The following NCK2 variants were observed in gnomAD, a reference collection of about 807,000 sequenced individuals.
The protein encoded by NCK2 is NCK adaptor protein 2.
A neutral mutation model predicts 33.9 loss-of-function variants in NCK2; 16 were observed. That is an observed-to-expected ratio of 0.47 (90% CI 0.32 to 0.72). NCK2 has a LOEUF of 0.72. Ranked by LOEUF, NCK2 falls within the 30% of genes least tolerant of loss-of-function variation. The pLI is 0.03. For missense variants in NCK2, 418 were observed against 537.3 expected (o/e 0.78, Z 2.19); for synonymous variants, 273 against 239.9 (o/e 1.14, Z -1.27).
chr2:105,755,137 AG>A (rs1689564465), intron 1 of NCK2, among the ~76,000 whole-genome samples: 1 of 152,160 alleles, frequency 6.6e-6, no homozygotes, highest in Non-Finnish European at 1.5e-5. Context: ...GCTTGGATTT[AG>A]AAGGTTCTCT....
chr2:105,806,378 CA>C (rs1675041480), intron 1 of NCK2, among the ~76,000 whole-genome samples: 2 of 151,962 alleles, frequency 1.3e-5, no homozygotes, highest in Non-Finnish European at 2.9e-5. Context: ...GCTGGGACTA[CA>C]GGCACCCACC....
At chr2:105,835,409 G>GTGTATATATATATATCTA (rs56250020) in intron 2 of NCK2, among the ~76,000 whole-genome samples, 1 of 59,328 alleles carries the variant, frequency 1.7e-5, no homozygotes, top group African/African-American at 6.1e-5. Flanking sequence ...ATATATACGT[G>GTGTATATATATATATCTA]TATATATATA....
chr2:105,871,961 GA>G (rs1320490264), intron 3 of NCK2, among the ~76,000 whole-genome samples: 2 of 152,180 alleles, frequency 1.3e-5, no homozygotes, highest in Non-Finnish European at 2.9e-5. Context: ...TCGTGCAAGG[GA>G]AATTGGTGCC....
chr2:105,884,410 A>T (rs1315984140), intron 4 of NCK2, among the ~76,000 whole-genome samples: 1 of 152,158 alleles, frequency 6.6e-6, no homozygotes, highest in African/African-American at 2.4e-5. Context: ...TGAGGGGTTC[A>T]GCCTCCCTGC....
chr2:105,827,107 C>T (rs1362610875), intron 2 of NCK2, among the ~76,000 whole-genome samples: 1 of 151,994 alleles, frequency 6.6e-6, no homozygotes, highest in Non-Finnish European at 1.5e-5. Context: ...TCACACCATT[C>T]TCCTGCCTCA....
At chr2:105,830,000 G>T (rs1176811501) in intron 2 of NCK2, among the ~76,000 whole-genome samples, 1 of 151,970 alleles carries the variant, frequency 6.6e-6, no homozygotes, top group Admixed American at 6.6e-5. Flanking sequence ...CCTATTAATA[G>T]GTAAAGAGTG....
intron 1 of NCK2, among the ~76,000 whole-genome samples, chr2:105,779,306 C>CAAAA (rs780590996): frequency 1.7e-4 from 20 of 119,532 alleles, no homozygotes; most frequent in African/African-American, 6.3e-4. Flanking sequence ...GACTCCGTCT[C>CAAAA]AAAAAAAAAA....
At chr2:105,841,105 C>T (rs1264298230) in intron 2 of NCK2, among the ~76,000 whole-genome samples, 2 of 152,176 alleles carry the variant, frequency 1.3e-5, no homozygotes, top group African/African-American at 4.8e-5. Context: ...TTCCACCTAC[C>T]CAGAGATGAC....
chr2:105,805,739 C>T (rs1484393576), intron 1 of NCK2, among the ~76,000 whole-genome samples: 1 of 152,120 alleles, frequency 6.6e-6, no homozygotes, highest in African/African-American at 2.4e-5. Flanking sequence ...GCATGATGTC[C>T]TCCCAGTTCA....
At chr2:105,858,061 T>G (rs1431897245) in intron 3 of NCK2, among the ~76,000 whole-genome samples, 5 of 151,698 alleles carry the variant, frequency 3.3e-5, no homozygotes, top group Admixed American at 6.6e-5. Flanking sequence ...TTTTTTTGTT[T>G]TTTTTTTTGC....
chr2:105,826,911 A>G (rs1251907056), intron 2 of NCK2, among the ~76,000 whole-genome samples: 2 of 152,176 alleles, frequency 1.3e-5, no homozygotes, highest in Non-Finnish European at 1.5e-5. Context: ...TGTTATATTA[A>G]TATCAGATAA....
intron 1 of NCK2, among the ~76,000 whole-genome samples, chr2:105,773,461 A>G (rs1358983557): frequency 1.3e-5 from 2 of 151,978 alleles, no homozygotes; most frequent in Admixed American, 6.6e-5. Context: ...GCTCAGGGCC[A>G]TCACCACTGC....
chr2:105,745,036 GGGA>G lies in NCK2; in HGVS notation c.-301_-299del. 1 of 145,696 alleles carries G rather than the reference GGGA, an allele frequency of 6.9e-6. No homozygotes were observed. Among genetic ancestry groups the G allele is most frequent in the Non-Finnish European group, 1.5e-5 (1 of 65,378 alleles). 9.0% of individuals were successfully genotyped at this position (145,696 alleles called of 1,614,324 possible). A position where few individuals can be genotyped will look rare whatever the true frequency, so the allele number is the denominator to read the frequency against. Reference sequence around the variant, plus strand: ...CAGCGTCCGCCCGGCGGCGGGAGGAGGGAGCGGCGCAGACAAAGAGCGGCGCCT... The same window carrying G: ...CAGCGTCCGCCCGGCGGCGGGAGGAGGCGGCGCAGACAAAGAGCGGCGCCT... On this transcript the variant is annotated 5_prime_UTR_variant, in exon 1 of 5. Transcript: ENST00000233154.
rs56217624 is a variant in NCK2, at chr2:105,859,245, A to G, written c.226+3956A>G. ...ACCAGCTGGAGCCTTGCAAAGCCCC[A>G]AAGGTTAATTCTCTTTTCGGTGGTT... On this transcript the variant is annotated intron_variant, in intron 3 of 4. Coordinates refer to ENST00000233154, the MANE Select transcript of NCK2 (RefSeq NM_003581.5). 8.2e-3 allele frequency among the ~76,000 whole-genome samples: 1,246 copies of G among 152,296 alleles called. 19 individuals are homozygous for G. The highest frequency in any genetic ancestry group is 0.01 in the Non-Finnish European group (694 of 68,004).
chr2:105,765,890 AG>A (rs1424713934), intron 1 of NCK2, among the ~76,000 whole-genome samples: 2 of 151,736 alleles, frequency 1.3e-5, no homozygotes, highest in African/African-American at 2.4e-5. Flanking sequence ...TTAAGAGTCT[AG>A]GTAAGCCACA....
At chr2:105,822,705 TTCCTTAGATAGAAAC>T (rs1426141045) in intron 2 of NCK2, among the ~76,000 whole-genome samples, 3 of 152,062 alleles carry the variant, frequency 2.0e-5, no homozygotes, top group African/African-American at 4.8e-5. Flanking sequence ...CGACCTTCTT[TTCCTTAGATAGAAAC>T]TGAATACATA....
intron 1 of NCK2, among the ~76,000 whole-genome samples, chr2:105,801,182 G>A (rs566220300): frequency 2.4e-4 from 36 of 152,298 alleles, no homozygotes; most frequent in African/African-American, 7.5e-4. Flanking sequence ...AATCTGTGGT[G>A]TTAATATGCC....
intron 1 of NCK2, among the ~76,000 whole-genome samples, chr2:105,794,677 A>C (rs1285274576): frequency 1.3e-5 from 2 of 148,602 alleles, no homozygotes; most frequent in African/African-American, 5.0e-5. Context: ...GGACTTTAAA[A>C]AAGTTAATAG....
At chr2:105,748,861 G>A (rs976284465) in intron 1 of NCK2, among the ~76,000 whole-genome samples, 1 of 151,986 alleles carries the variant, frequency 6.6e-6, no homozygotes, top group Non-Finnish European at 1.5e-5. Context: ...TTAATATTGG[G>A]GCTCTAGCCT....
Sources: gnomAD v4.1 joint callset for allele counts (sites outside exome capture counted in the v4.1 genomes callset) on GRCh38, gnomAD v4.1.1 for gene constraint, MANE v1.5 for transcripts, NCBI Gene and HGNC (gene_info 2026-07-23, HGNC 2026-07-21) for gene names.